ZFPM2: variants seen among roughly 807,000 people sequenced by gnomAD.
ZFPM2 encodes the protein zinc finger protein, FOG family member 2, also known as zinc finger protein ZFPM2.
In ZFPM2, 20 loss-of-function variants were observed where a neutral mutation model predicts 98.6. The ratio of observed to expected loss-of-function variants is 0.20; its 90% confidence interval spans 0.14 to 0.29. ZFPM2 has a LOEUF of 0.29. Among genes scored for constraint, ZFPM2 ranks in the 10% least tolerant of loss-of-function variants. ZFPM2 has a pLI of 1.00. For missense variants in ZFPM2, 1,310 were observed against 1,388.6 expected, an observed-to-expected ratio of 0.94 and a Z score of 0.90; for synonymous variants, 518 against 502.7, an observed-to-expected ratio of 1.03 and a Z score of -0.41.
chr8:105,590,905 G>T (rs1815828879), intron 4 of ZFPM2, among the ~76,000 whole-genome samples: 1 of 152,184 alleles, frequency 6.6e-6, no homozygotes, highest in Admixed American at 6.5e-5. Flanking sequence ...GTATAGTTCT[G>T]CCATAGTATT....
intron 5 of ZFPM2, among the ~76,000 whole-genome samples, chr8:105,663,267 C>T (rs540889514): frequency 7.9e-5 from 12 of 152,206 alleles, no homozygotes; most frequent in Admixed American, 7.9e-4. Context: ...AACAGTCACG[C>T]AGATAATTAT....
intron 1 of ZFPM2, among the ~76,000 whole-genome samples, chr8:105,364,126 T>C (rs1810458200): frequency 6.6e-6 from 1 of 152,108 alleles, no homozygotes; most frequent in Non-Finnish European, 1.5e-5. Flanking sequence ...TATAGGCATA[T>C]TGTTTATTCA....
At chr8:105,586,480 C>T (rs575614606) in intron 4 of ZFPM2, among the ~76,000 whole-genome samples, 8 of 151,834 alleles carry the variant, frequency 5.3e-5, no homozygotes, top group East Asian at 1.9e-4. Context: ...TGGAGTGCAG[C>T]GGCACAATCT....
intron 4 of ZFPM2, among the ~76,000 whole-genome samples, chr8:105,588,948 C>A (rs1188825608): frequency 6.6e-6 from 1 of 152,204 alleles, no homozygotes; most frequent in Non-Finnish European, 1.5e-5. Flanking sequence ...AGAGGAAATG[C>A]GTGATCTATA....
intron 5 of ZFPM2, among the ~76,000 whole-genome samples, chr8:105,722,287 CTTTG>C (rs1219522683): frequency 6.6e-6 from 1 of 151,768 alleles, no homozygotes; most frequent in East Asian, 1.9e-4. Flanking sequence ...GGTCAAGCTC[CTTTG>C]TTTGTTGGAC....
intron 4 of ZFPM2, among the ~76,000 whole-genome samples, chr8:105,571,301 G>A (rs1325202052): frequency 6.6e-6 from 1 of 152,196 alleles, no homozygotes; most frequent in Non-Finnish European, 1.5e-5. Context: ...GTGGAAGTGG[G>A]TGGATATATA....
At chr8:105,453,622 GTTTTTT>G (rs1199971759) in intron 3 of ZFPM2, among the ~76,000 whole-genome samples, 4 of 151,042 alleles carry the variant, frequency 2.6e-5, no homozygotes, top group Non-Finnish European at 5.9e-5. Flanking sequence ...TTTTTCTGGA[GTTTTTT>G]TTGTTTTGTT....
intron 1 of ZFPM2, among the ~76,000 whole-genome samples, chr8:105,320,626 T>C (rs1268650058): frequency 5.3e-5 from 8 of 152,218 alleles, no homozygotes; most frequent in Non-Finnish European, 8.8e-5. Flanking sequence ...TTCATGGCTG[T>C]CACCTGGGTT....
chr8:105,387,566 G>C (rs1203357973), intron 1 of ZFPM2: 2 of 153,060 alleles, frequency 1.3e-5, no homozygotes, highest in Non-Finnish European at 2.9e-5. Context: ...GGCGGGGCCG[G>C]CTGGCTGGCC....
chr8:105,418,614 TTTC>T (rs1212969517), intron 1 of ZFPM2: 1 of 518,712 alleles, frequency 1.9e-6, no homozygotes, highest in East Asian at 5.4e-5. Flanking sequence ...ATATGTAATT[TTTC>T]TTCAAGCCTC....
chr8:105,330,627 T>TAC (rs1812213441), intron 1 of ZFPM2, among the ~76,000 whole-genome samples: 1 of 82,200 alleles, frequency 1.2e-5, no homozygotes, highest in East Asian at 3.0e-4. Context: ...TATATATATA[T>TAC]ATATACATAT....
intron 6 of ZFPM2, among the ~76,000 whole-genome samples, chr8:105,793,592 T>C (rs543694637): frequency 3.2e-4 from 49 of 152,136 alleles, no homozygotes; most frequent in Non-Finnish European, 5.3e-4. Flanking sequence ...AGGAGAATCT[T>C]TGTGGTGTTC....
chr8:105,479,597 A>T (rs1333861579), intron 3 of ZFPM2, among the ~76,000 whole-genome samples: 1 of 152,236 alleles, frequency 6.6e-6, no homozygotes, highest in Non-Finnish European at 1.5e-5. Context: ...TTTTTGAAGA[A>T]CAATGATTAG....
intron 4 of ZFPM2, among the ~76,000 whole-genome samples, chr8:105,621,187 G>T (rs1816535856): frequency 6.6e-6 from 1 of 152,032 alleles, no homozygotes; most frequent in Non-Finnish European, 1.5e-5. Flanking sequence ...CCATTTGTTT[G>T]TGTCCTCTTA....
intron 1 of ZFPM2, among the ~76,000 whole-genome samples, chr8:105,354,553 G>A (rs1355149210): frequency 6.6e-6 from 1 of 152,092 alleles, no homozygotes; most frequent in Non-Finnish European, 1.5e-5. Flanking sequence ...GGCATGTATT[G>A]GTGAGGTATG....
intron 4 of ZFPM2, among the ~76,000 whole-genome samples, chr8:105,620,813 G>T (rs4460342): frequency 1.3e-5 from 2 of 151,822 alleles, no homozygotes; most frequent in Non-Finnish European, 2.9e-5. Flanking sequence ...TCTTGTTTTT[G>T]TCAGGTTTGT....
intron 6 of ZFPM2, among the ~76,000 whole-genome samples, chr8:105,789,888 G>C (rs1813546758): frequency 6.7e-6 from 1 of 150,030 alleles, no homozygotes; most frequent in Non-Finnish European, 1.5e-5. Flanking sequence ...GTCTTCTTTT[G>C]AGAAGTGTCT....
chr8:105,710,819 G>C (rs1277535281), intron 5 of ZFPM2, among the ~76,000 whole-genome samples: 1 of 151,864 alleles, frequency 6.6e-6, no homozygotes, highest in African/African-American at 2.4e-5. Context: ...TAATTTCTCT[G>C]TGTCTCAGTT....
At position 105,614,653 on chromosome 8, in the gene ZFPM2, C is replaced by T. The variant is rs1168118265; in HGVS notation, c.421-19593C>T. Among the ~76,000 whole-genome samples, 7 of 151,980 alleles carry T rather than the reference C, an allele frequency of 4.6e-5. No homozygotes were observed. The East Asian group carries it at 9.7e-4, about 21-fold the overall frequency. On this transcript the variant is annotated intron_variant, in intron 4 of 7. Coordinates refer to ENST00000407775, the MANE Select transcript of ZFPM2 (RefSeq NM_012082.4). ...TTAGATTCTGATCAGAGCTGTTTGTCGAGTCTTATTGGAACGCGGGACCCT... is the reference window on the plus strand; with the variant it reads ...TTAGATTCTGATCAGAGCTGTTTGTTGAGTCTTATTGGAACGCGGGACCCT...
Sources: allele counts gnomAD v4.1 joint callset (sites outside exome capture counted in the v4.1 genomes callset), GRCh38; gene constraint gnomAD v4.1.1; transcripts MANE v1.5; gene names NCBI Gene and HGNC (gene_info 2026-07-23, HGNC 2026-07-21).